Variants in SCFD2 observed in about 807,000 individuals in gnomAD.
SCFD2 encodes the protein sec1 family domain-containing protein 2.
SCFD2 carries 54 observed loss-of-function variants against 58.9 expected under a neutral mutation model. The observed-to-expected ratio is 0.92, with a 90% CI of 0.74 to 1.15. The LOEUF (loss-of-function observed/expected upper bound fraction) is 1.15. SCFD2 is among the 50% of genes most tolerant of loss of function. The probability of loss-of-function intolerance (pLI) is 0.00; values close to 1 mark genes in which losing one functional copy is unlikely to be tolerated. For missense variants in SCFD2, 805 were observed against 836.6 expected, an observed-to-expected ratio of 0.96 and a Z score of 0.47; for synonymous variants, 321 against 335.9, an observed-to-expected ratio of 0.96 and a Z score of 0.49.
At chr4:52,972,322 A>C (rs1393766505) in intron 5 of SCFD2, among the ~76,000 whole-genome samples, 1 of 152,176 alleles carries the variant, frequency 6.6e-6, no homozygotes, top group Non-Finnish European at 1.5e-5. Flanking sequence ...ATGGAGGAAG[A>C]TCTACCAAGC....
chr4:53,335,308 T>G (rs1733648670), intron 2 of SCFD2, among the ~76,000 whole-genome samples: 1 of 151,790 alleles, frequency 6.6e-6, no homozygotes, highest in African/African-American at 2.4e-5. Context: ...GAGGAAACAT[T>G]AAACAAACAT....
chr4:53,105,083 G>A (rs1275435715), intron 5 of SCFD2, among the ~76,000 whole-genome samples: 1 of 152,018 alleles, frequency 6.6e-6, no homozygotes, highest in Non-Finnish European at 1.5e-5. Context: ...AAGTGCAAGC[G>A]GTCGGGGAAC....
chr4:52,977,707 A>G (rs1387733142), intron 5 of SCFD2, among the ~76,000 whole-genome samples: 1 of 152,208 alleles, frequency 6.6e-6, no homozygotes, highest in African/African-American at 2.4e-5. Flanking sequence ...AGGAATATGA[A>G]CATATAATAA....
rs1348127339 is a variant in SCFD2, at chr4:53,313,730, T to C, written c.1041A>G (p.Leu347=). The C allele has an allele frequency of 6.2e-7, 1 of 1,614,090 alleles. No homozygotes were observed. The highest frequency in any genetic ancestry group is 8.5e-7 in the Non-Finnish European group (1 of 1,179,942). ...CTGCCTCTTTGTGCTTAGTGTTCAG[T>C]AAAGCTTCCCATAGGGCTTTGGCTG... ...DTTAKALWEA[L]LNTKHKEAVM... is the part of the protein sequence containing the mutation. The change falls in exon 3 of 9, where the codon TTA becomes TTG. Residue 347 remains leucine, a synonymous_variant. Transcript: ENST00000401642.
At chr4:53,330,622 T>C (rs1190329393) in intron 2 of SCFD2, among the ~76,000 whole-genome samples, 4 of 151,936 alleles carry the variant, frequency 2.6e-5, no homozygotes, top group Admixed American at 1.3e-4. Context: ...GAACAACCAG[T>C]ACCAGCCGCT....
chr4:53,057,842 T>C (rs553832638), intron 5 of SCFD2, among the ~76,000 whole-genome samples: 66 of 152,238 alleles, frequency 4.3e-4, no homozygotes, highest in South Asian at 2.7e-3. Context: ...TACCTTGTGC[T>C]GTGTTAGCAG....
chr4:52,972,894 G>T (rs1006121807), intron 5 of SCFD2, among the ~76,000 whole-genome samples: 5 of 152,190 alleles, frequency 3.3e-5, no homozygotes, highest in African/African-American at 1.2e-4. Flanking sequence ...CATGGAAGCT[G>T]AACAACCTGC....
intron 4 of SCFD2, among the ~76,000 whole-genome samples, chr4:53,151,673 A>G (rs185329753): frequency 6.6e-6 from 1 of 152,198 alleles, no homozygotes; most frequent in African/African-American, 2.4e-5. Context: ...CATCATGCTA[A>G]GCTTCTGCTG....
chr4:52,888,960 A>G (rs1402111002), intron 7 of SCFD2, among the ~76,000 whole-genome samples: 1 of 152,218 alleles, frequency 6.6e-6, no homozygotes, highest in Non-Finnish European at 1.5e-5. Flanking sequence ...AATGTGATCC[A>G]TGATCTTTTC....
At chr4:53,328,572 T>C (rs1274677857) in intron 2 of SCFD2, among the ~76,000 whole-genome samples, 1 of 152,220 alleles carries the variant, frequency 6.6e-6, no homozygotes, top group Non-Finnish European at 1.5e-5. Context: ...TTTATGCTAA[T>C]ATACACATAA....
intron 5 of SCFD2, among the ~76,000 whole-genome samples, chr4:53,050,969 A>G (rs1449364685): frequency 6.6e-6 from 1 of 152,162 alleles, no homozygotes; most frequent in African/African-American, 2.4e-5. Flanking sequence ...ATCTCCTGGT[A>G]GGCGCTCTCT....
intron 5 of SCFD2, among the ~76,000 whole-genome samples, chr4:53,035,201 C>T (rs1722724362): frequency 6.6e-6 from 1 of 152,126 alleles, no homozygotes; most frequent in South Asian, 2.1e-4. Context: ...TTTGACAAAC[C>T]TGACACAAAA....
chr4:52,894,321 A>C (rs1004423551), intron 7 of SCFD2, among the ~76,000 whole-genome samples: 1 of 152,220 alleles, frequency 6.6e-6, no homozygotes, highest in Admixed American at 6.5e-5. Context: ...TCTCATGTCA[A>C]TTTTAGCAGA....
chr4:53,323,557 AC>A (rs1173721269), intron 2 of SCFD2, among the ~76,000 whole-genome samples: 1 of 42,722 alleles, frequency 2.3e-5, no homozygotes, highest in African/African-American at 9.8e-5. Context: ...TTTTTTTTTT[AC>A]TTTTTGCGGA....
At chr4:52,972,115 G>A (rs1721119431) in intron 5 of SCFD2, among the ~76,000 whole-genome samples, 1 of 152,154 alleles carries the variant, frequency 6.6e-6, no homozygotes, top group African/African-American at 2.4e-5. Flanking sequence ...CAATTAACAA[G>A]CAAAATAACC....
chr4:53,356,469 A>T (rs563237113), intron 1 of SCFD2, among the ~76,000 whole-genome samples: 1 of 152,304 alleles, frequency 6.6e-6, no homozygotes, highest in African/African-American at 2.4e-5. Flanking sequence ...TCTGTTGCCC[A>T]GGCAGGAGTG....
At chr4:53,168,436 G>A (rs1397964520) in intron 4 of SCFD2, among the ~76,000 whole-genome samples, 1 of 152,072 alleles carries the variant, frequency 6.6e-6, no homozygotes, top group Non-Finnish European at 1.5e-5. Context: ...ACACAAAAAA[G>A]CAAGTCATGA....
At chr4:53,217,899 T>C (rs1444221808) in intron 4 of SCFD2, among the ~76,000 whole-genome samples, 7 of 152,230 alleles carry the variant, frequency 4.6e-5, no homozygotes, top group South Asian at 4.1e-4. Flanking sequence ...CCTTCACTTA[T>C]GAAGCTTAGT....
At chr4:53,288,193 C>A (rs1299191134) in intron 3 of SCFD2, among the ~76,000 whole-genome samples, 1 of 151,886 alleles carries the variant, frequency 6.6e-6, no homozygotes, top group Non-Finnish European at 1.5e-5. Context: ...TGAAATAAAT[C>A]CATCAGAGGA....
Sources: gnomAD v4.1 joint callset for allele counts (sites outside exome capture counted in the v4.1 genomes callset) on GRCh38, gnomAD v4.1.1 for gene constraint, MANE v1.5 for transcripts, NCBI Gene and HGNC (gene_info 2026-07-23, HGNC 2026-07-21) for gene names.